The following NFIL3 variants were observed in gnomAD, a reference collection of about 807,000 sequenced individuals.
NFIL3 encodes nuclear factor interleukin-3-regulated protein.
NFIL3 carries 5 observed loss-of-function variants against 10.0 expected under a neutral mutation model. The observed-to-expected ratio is 0.50, with a 90% CI of 0.26 to 1.06. NFIL3 has a LOEUF of 1.06. NFIL3 is among the 50% of genes least tolerant of loss of function. NFIL3 has a pLI of 0.13. For synonymous variants in NFIL3, 202 were observed against 206.5 expected (o/e 0.98, Z 0.19); for missense variants, 436 against 547.6 (o/e 0.80, Z 2.03).
chr9:91,475,657 C>T, the NFIL3 span, among the ~76,000 whole-genome samples: 1 of 152,020 alleles, frequency 6.6e-6, no homozygotes, highest in Non-Finnish European at 1.5e-5. Context: ...TATTTGAAAC[C>T]AACAGACCAG....
At chr9:91,443,243 C>T in the NFIL3 span, among the ~76,000 whole-genome samples, 10 of 152,160 alleles carry the variant, frequency 6.6e-5, no homozygotes, top group African/African-American at 1.7e-4. Flanking sequence ...TGGGCAGCCA[C>T]GGGCAGGCCT....
At chr9:91,456,248 C>T in the NFIL3 span, among the ~76,000 whole-genome samples, 3 of 152,062 alleles carry the variant, frequency 2.0e-5, no homozygotes, top group African/African-American at 4.8e-5. Flanking sequence ...TCTTAGGAGT[C>T]GAATGATTGG....
At chr9:91,442,263 C>T in the NFIL3 span, among the ~76,000 whole-genome samples, 3 of 152,084 alleles carry the variant, frequency 2.0e-5, no homozygotes, top group African/African-American at 4.8e-5. Flanking sequence ...AAATATATTA[C>T]CCCTTTCTTT....
chr9:91,443,886 A>G, the NFIL3 span, among the ~76,000 whole-genome samples: 9 of 152,136 alleles, frequency 5.9e-5, no homozygotes, highest in African/African-American at 2.2e-4. Context: ...TACTTTTGAC[A>G]GCTTGATTAT....
At chr9:91,465,179 C>T in the NFIL3 span, among the ~76,000 whole-genome samples, 1 of 152,040 alleles carries the variant, frequency 6.6e-6, no homozygotes, top group Admixed American at 6.6e-5. Flanking sequence ...TCAAATATTT[C>T]TTCTTCTCTG....
chr9:91,472,972 AG>A, the NFIL3 span, among the ~76,000 whole-genome samples: 2 of 152,178 alleles, frequency 1.3e-5, no homozygotes, highest in Non-Finnish European at 2.9e-5. Context: ...CCTCAGCTGC[AG>A]GTCTGTTGGA....
chr9:91,472,315 A>T, the NFIL3 span, among the ~76,000 whole-genome samples: 15,091 of 152,146 alleles, frequency 0.099, 825 homozygotes, highest in East Asian at 0.23. Context: ...ACTTGGTTCC[A>T]TTCTCCCCAT....
intron 1 of NFIL3, 95 bp downstream of exon 1, chr9:91,423,545 A>C (rs1224730864): frequency 1.3e-5 from 2 of 149,954 alleles, no homozygotes; most frequent in Non-Finnish European, 3.0e-5. Context: ...GACCCCGCAC[A>C]CAGCGCGGCC....
chr9:91,465,642 C>CG, the NFIL3 span, among the ~76,000 whole-genome samples: 1 of 151,768 alleles, frequency 6.6e-6, no homozygotes, highest in Admixed American at 6.6e-5. Context: ...GTAGTGTGTG[C>CG]ATTTTTTTTT....
At chr9:91,424,351 G>A (rs558596745), upstream of NFIL3, among the ~76,000 whole-genome samples, 9 of 152,318 alleles carry the variant, frequency 5.9e-5, no homozygotes, top group South Asian at 1.2e-3. Context: ...CGGCTACCCG[G>A]GCGTGGCCCG....
intron 1 of NFIL3, among the ~76,000 whole-genome samples, chr9:91,418,345 A>C (rs7869771): frequency 0.39 from 59,289 of 152,102 alleles, 14,165 homozygotes; most frequent in African/African-American, 0.68. Flanking sequence ...TGAAATCTTA[A>C]AAGGACACCA....
Position 91,410,706 on chromosome 9 carries a change from T to C in NFIL3, c.29A>G (p.Lys10Arg), listed in dbSNP as rs766419575. 1.2e-6 allele frequency: 2 copies of C among 1,601,584 alleles called. No individual in the cohort carries two copies. The part of the protein sequence containing the change: MQLRKMQTV[K>R]KEQASLDASS... ...GGCATCAAGAGACGCCTGCTCCTTT[T>C]TGACGGTCTGCATTTTTCTCAGCTG... Residue 10 changes from lysine (K) to arginine (R), a missense_variant, in exon 2 of 2, where the codon AAA (lysine) becomes AGA (arginine). Physicochemically the swap from Lys to Arg is conservative, Grantham distance 26. Coordinates refer to ENST00000297689, the MANE Select transcript of NFIL3 (RefSeq NM_005384.3). The surrounding 1 kb of genome is among the most constrained non-coding windows in gnomAD (Gnocchi z 5.7).
At chr9:91,482,707 G>A in the NFIL3 span, among the ~76,000 whole-genome samples, 2 of 152,016 alleles carry the variant, frequency 1.3e-5, no homozygotes, top group Non-Finnish European at 2.9e-5. Context: ...TTGCCATGTT[G>A]TTCAGGCTAG....
chr9:91,460,268 G>GTTATTTTTTTTTTTTTTT, the NFIL3 span, among the ~76,000 whole-genome samples: 1 of 77,110 alleles, frequency 1.3e-5, no homozygotes. Flanking sequence ...GGAGGGCTTG[G>GTTATTTTTTTTTTTTTTT]TTCTTTTTTT....
chr9:91,411,142 A>G (rs764031383), intron 1 of NFIL3, among the ~76,000 whole-genome samples: 3 of 152,240 alleles, frequency 2.0e-5, no homozygotes, highest in Admixed American at 6.5e-5. Flanking sequence ...AGAATATGTG[A>G]TCCAGGAAAG....
intron 1 of NFIL3, among the ~76,000 whole-genome samples, chr9:91,411,189 G>C (rs533383178): frequency 6.6e-6 from 1 of 152,334 alleles, no homozygotes; most frequent in South Asian, 2.1e-4. Context: ...CCAGAGAGAA[G>C]TAGAGGAAGG....
chr9:91,421,907 C>T (rs368722015), intron 1 of NFIL3, among the ~76,000 whole-genome samples: 1 of 152,162 alleles, frequency 6.6e-6, no homozygotes, highest in Admixed American at 6.5e-5. Context: ...TGTAACAGTC[C>T]AGGAAGAAAT....
At chr9:91,465,510 TTA>T in the NFIL3 span, among the ~76,000 whole-genome samples, 1 of 152,210 alleles carries the variant, frequency 6.6e-6, no homozygotes, top group East Asian at 1.9e-4. Flanking sequence ...TTGTCTACCT[TTA>T]CTCTATTTTT....
At chr9:91,470,753 A>G in the NFIL3 span, among the ~76,000 whole-genome samples, 1 of 152,288 alleles carries the variant, frequency 6.6e-6, no homozygotes, top group East Asian at 1.9e-4. Context: ...GAACATCTTT[A>G]TATCTGTCTT....
Sources: gnomAD v4.1 joint callset for allele counts (sites outside exome capture counted in the v4.1 genomes callset) on GRCh38, gnomAD v4.1.1 for gene constraint, Gnocchi (gnomAD v3.1) non-coding constraint, MANE v1.5 for transcripts, NCBI Gene and HGNC (gene_info 2026-07-23, HGNC 2026-07-21) for gene names.